Variants in FRMD4A observed in about 807,000 individuals in gnomAD.
FRMD4A encodes FERM domain containing 4A, also known as FERM domain-containing protein 4A.
Under a neutral mutation model 129.1 loss-of-function variants are expected in FRMD4A, and 29 were observed. The ratio of observed to expected loss-of-function variants is 0.22; its 90% CI spans 0.17 to 0.31. The LOEUF (loss-of-function observed/expected upper bound fraction) is 0.31. Ranked by LOEUF, FRMD4A falls within the 10% of genes least tolerant of loss-of-function variation. The pLI is 1.00. For synonymous variants in FRMD4A, 634 were observed against 571.6 expected (o/e 1.11, Z -1.56); for missense variants, 1,272 against 1,375.8 (o/e 0.92, Z 1.19).
chr10:13,948,595 G>C (rs1261260608), intron 2 of FRMD4A, among the ~76,000 whole-genome samples: 1 of 151,792 alleles, frequency 6.6e-6, no homozygotes, highest in East Asian at 1.9e-4. Context: ...AAGGGTCTGA[G>C]CAGAGAGCAG....
intron 2 of FRMD4A, among the ~76,000 whole-genome samples, chr10:14,257,236 C>T (rs1844648172): frequency 6.6e-6 from 1 of 152,138 alleles, no homozygotes; most frequent in Non-Finnish European, 1.5e-5. Context: ...GAGGCTGAGG[C>T]ACAACAATCA....
chr10:13,648,768 T>C (rs1283290629), intron 24 of FRMD4A: 1 of 152,206 alleles, frequency 6.6e-6, no homozygotes, highest in Non-Finnish European at 1.5e-5. Flanking sequence ...TACTGGCACA[T>C]GTAAGTAGTT....
At chr10:13,874,523 A>G (rs1357115235) in intron 2 of FRMD4A, among the ~76,000 whole-genome samples, 2 of 152,190 alleles carry the variant, frequency 1.3e-5, no homozygotes, top group African/African-American at 2.4e-5. Flanking sequence ...ATACTCCACA[A>G]GGCCCCATAA....
chr10:14,248,559 A>T (rs2132016739), intron 2 of FRMD4A, among the ~76,000 whole-genome samples: 1 of 152,332 alleles, frequency 6.6e-6, no homozygotes, highest in South Asian at 2.1e-4. Flanking sequence ...ATTTTTTCCC[A>T]AGCTGTAAAT....
intron 2 of FRMD4A, among the ~76,000 whole-genome samples, chr10:14,068,957 T>C (rs1317388049): frequency 6.6e-6 from 1 of 151,680 alleles, no homozygotes; most frequent in Admixed American, 6.6e-5. Context: ...CTCGAATGTT[T>C]TGTGGGTATA....
chr10:14,264,921 A>G (rs1264794233), intron 2 of FRMD4A, among the ~76,000 whole-genome samples: 1 of 152,122 alleles, frequency 6.6e-6, no homozygotes, highest in African/African-American at 2.4e-5. Context: ...AGCTGGGACT[A>G]CAGGTGCTCA....
chr10:13,717,566 A>G (rs1332742523), intron 12 of FRMD4A, among the ~76,000 whole-genome samples: 1 of 150,378 alleles, frequency 6.6e-6, no homozygotes, highest in Non-Finnish European at 1.5e-5. Context: ...TGCCTGCCTC[A>G]GCTTCCTAAA....
chr10:14,101,964 G>GA (rs1013744179), intron 2 of FRMD4A, among the ~76,000 whole-genome samples: 2 of 152,074 alleles, frequency 1.3e-5, no homozygotes, highest in African/African-American at 4.8e-5. Flanking sequence ...AGAACTTAAT[G>GA]AAAAAAATTA....
intron 2 of FRMD4A, among the ~76,000 whole-genome samples, chr10:14,140,318 C>G (rs1839771853): frequency 6.6e-6 from 1 of 152,196 alleles, no homozygotes; most frequent in South Asian, 2.1e-4. Flanking sequence ...CTGCCTTGGC[C>G]TCCCAAAGTG....
At chr10:14,176,555 A>G (rs749986887) in intron 2 of FRMD4A, among the ~76,000 whole-genome samples, 2 of 129,848 alleles carry the variant, frequency 1.5e-5, no homozygotes, top group Admixed American at 1.0e-4. Context: ...GCTCACTGCT[A>G]TCTCCGCCTC....
At chr10:13,761,847 G>A (rs191563031) in intron 7 of FRMD4A, among the ~76,000 whole-genome samples, 178 bp from the exon 8 acceptor site, 1 of 152,296 alleles carries the variant, frequency 6.6e-6, no homozygotes. Flanking sequence ...TTTGCCATTT[G>A]AATATGAAAT....
chr10:13,697,148 C>T (rs1347224899), intron 14 of FRMD4A, among the ~76,000 whole-genome samples: 1 of 137,940 alleles, frequency 7.2e-6, no homozygotes, highest in African/African-American at 2.8e-5. Flanking sequence ...TAGCAAACTA[C>T]TGGATTTTTT....
At chr10:14,180,728 C>T (rs1191682462) in intron 2 of FRMD4A, among the ~76,000 whole-genome samples, 3 of 152,204 alleles carry the variant, frequency 2.0e-5, no homozygotes, top group African/African-American at 4.8e-5. Context: ...GAACTCCAAA[C>T]GCAGGTTTTC....
intron 2 of FRMD4A, among the ~76,000 whole-genome samples, chr10:14,038,125 A>G (rs1173552304): frequency 6.6e-6 from 1 of 152,230 alleles, no homozygotes; most frequent in Non-Finnish European, 1.5e-5. Flanking sequence ...GATCGAGACC[A>G]TCCTGGCTAA....
chr10:13,714,004 A>ATG lies in FRMD4A; in HGVS notation c.760-6892_760-6891insCA, dbSNP rs1209729476. ...TAATATACATATATAATATACATAT[A>ATG]TAATATACATATATAAAATATACAT... On this transcript the variant is annotated intron_variant, in intron 12 of 24. Transcript: ENST00000357447. Among the ~76,000 whole-genome samples, 27 of 65,430 alleles carry ATG rather than the reference A, an allele frequency of 4.1e-4. 1 individual carries two copies. Among genetic ancestry groups the ATG allele is most frequent in the African/African-American group, 1.5e-3 (26 of 17,760 alleles). The allele number at this position is 65,430 out of a possible 152,430, so 42.9% of individuals were successfully genotyped here. A position where few individuals can be genotyped will look rare whatever the true frequency, so the allele number is the denominator to read the frequency against.
chr10:14,037,804 G>T (rs994083568), intron 2 of FRMD4A, among the ~76,000 whole-genome samples: 1 of 152,152 alleles, frequency 6.6e-6, no homozygotes, highest in African/African-American at 2.4e-5. Context: ...TGGGCACTGT[G>T]ATGGGTAAAA....
chr10:14,276,714 T>C (rs1166707240), intron 2 of FRMD4A, among the ~76,000 whole-genome samples: 2 of 152,210 alleles, frequency 1.3e-5, no homozygotes, highest in Admixed American at 6.5e-5. Flanking sequence ...AGCCAGGGCC[T>C]CACTGTCCTG....
chr10:14,159,859 G>C (rs920535465), intron 2 of FRMD4A, among the ~76,000 whole-genome samples: 1 of 152,158 alleles, frequency 6.6e-6, no homozygotes, highest in Non-Finnish European at 1.5e-5. Context: ...AGACCAGCCT[G>C]GGTAATATGG....
At chr10:14,030,300 G>A (rs1294132780) in intron 2 of FRMD4A, among the ~76,000 whole-genome samples, 1 of 152,106 alleles carries the variant, frequency 6.6e-6, no homozygotes, top group Non-Finnish European at 1.5e-5. Context: ...AAAGAAAATG[G>A]CAACTATATG....
Sources: gnomAD v4.1 joint callset for allele counts (sites outside exome capture counted in the v4.1 genomes callset) on GRCh38, gnomAD v4.1.1 for gene constraint, MANE v1.5 for transcripts, NCBI Gene and HGNC (gene_info 2026-07-23, HGNC 2026-07-21) for gene names.